Variants in R3HDML observed in about 807,000 individuals in gnomAD.
R3HDML encodes the protein R3H domain containing like.
In R3HDML, 21 loss-of-function variants were observed where a neutral mutation model predicts 24.2. The observed-to-expected ratio is 0.87, with a 90% CI of 0.62 to 1.25. The LOEUF (loss-of-function observed/expected upper bound fraction) is 1.25. Ranked by LOEUF, R3HDML falls within the 50% of genes most tolerant of loss-of-function variation. The pLI is 0.00. For missense variants in R3HDML, 301 were observed against 340.3 expected, an observed-to-expected ratio of 0.88 and a Z score of 0.91; for synonymous variants, 133 against 131.5, an observed-to-expected ratio of 1.01 and a Z score of -0.08.
intron 2 of R3HDML, 135 bp from the exon 3 acceptor site, chr20:44,343,242 C>T (rs1164383814): frequency 9.2e-7 from 1 of 1,081,308 alleles, no homozygotes; most frequent in African/African-American, 1.6e-5. Flanking sequence ...AGGGCCACTG[C>T]CCTCATGCTC....
rs114581806 is a variant in R3HDML at position 44,350,099 on chromosome 20, A to C, written c.630-561A>C. 7.1e-3 allele frequency among the ~76,000 whole-genome samples: 1,074 copies of C among 152,116 alleles called. 19 individuals are homozygous for C. The highest frequency in any genetic ancestry group is 0.025 in the African/African-American group (1,031 of 41,496). ...CAAAACAAACAAAAAGAATAAGAAA[A>C]TCAACCCTTACAAGGGAGCCACTAA... On this transcript the variant is annotated intron_variant, in intron 4 of 4. Coordinates refer to ENST00000217043, the MANE Select transcript of R3HDML (RefSeq NM_178491.4).
At position 44,350,618 on chromosome 20, in the gene R3HDML, A is replaced by G. The variant is rs368131810; in HGVS notation, c.630-42A>G. 123 of 1,594,374 alleles carry G rather than the reference A, an allele frequency of 7.7e-5. 2 individuals carry two copies. In the Middle Eastern group the frequency reaches 9.0e-4, roughly 12 times the overall value. On this transcript the variant is annotated intron_variant, in intron 4 of 4. Transcript: ENST00000217043. ...CTGGACATCTGTGTGAAGGTTACTC[A>G]CCTAATGCTCCTCTGTCTCCCTGGG...
intron 4 of R3HDML, 94 bp from the exon 5 acceptor site, chr20:44,350,566 A>C (rs2062807276): frequency 3.9e-6 from 5 of 1,267,014 alleles, no homozygotes. Flanking sequence ...CCAGGTCCCC[A>C]GGGCTGGTCA....
Position 44,337,203 on chromosome 20 carries a change from T to C in R3HDML, c.46T>C (p.Trp16Arg), listed in dbSNP as rs975822830. Residue 16 changes from tryptophan to arginine, a missense_variant, in exon 1 of 5, where the codon TGG becomes CGG. By Grantham distance (101) the Trp-to-Arg change is moderately radical. Transcript: ENST00000217043. The surrounding 1 kb of genome is among the most constrained non-coding windows in gnomAD (Gnocchi z 4.7). The part of the protein sequence containing the change: ...STVGLAGLLF[W>R]AGQAVNALIM... ...CGTGGGCCTGGCAGGCCTGCTCTTCTGGGCTGGCCAGGCAGTGAACGCCTT... is the reference window on the plus strand; with the variant it reads ...CGTGGGCCTGGCAGGCCTGCTCTTCCGGGCTGGCCAGGCAGTGAACGCCTT... The C allele has an allele frequency of 8.7e-6, 14 of 1,613,544 alleles. No homozygotes were observed. The highest frequency in any genetic ancestry group is 1.3e-5 in the African/African-American group (1 of 74,942).
At chr20:44,350,102 A>G (rs1600604757) in intron 4 of R3HDML, among the ~76,000 whole-genome samples, 2 of 152,188 alleles carry the variant, frequency 1.3e-5, no homozygotes, top group Non-Finnish European at 1.5e-5. Flanking sequence ...TAAGAAAATC[A>G]ACCCTTACAA....
chr20:44,340,663 G>A (rs2062769882), intron 1 of R3HDML, among the ~76,000 whole-genome samples: 1 of 152,034 alleles, frequency 6.6e-6, no homozygotes, highest in African/African-American at 2.4e-5. Flanking sequence ...GCATGCGCCT[G>A]CAGTCCCAGC....
chr20:44,343,440 G>A lies in R3HDML; in HGVS notation c.444G>A (p.Pro148=), dbSNP rs144256166. The A allele has an allele frequency of 1.3e-5, 21 of 1,613,032 alleles. No homozygotes were observed. Among genetic ancestry groups the A allele is most frequent in the African/African-American group, 6.7e-5 (5 of 74,872 alleles). The change falls in exon 3 of 5, where the codon CCG becomes CCA. Residue 148 remains proline, a synonymous_variant. Transcript: ENST00000217043. ...WSEEKWHYLF[P]APRDCNPHCP... The stretch of plus-strand genomic sequence containing the variant: ...AGGAGAAGTGGCATTACTTGTTTCC[G>A]GCCCCAAGGGACTGTAACCCACACT...
chr20:44,350,910 GT>G lies in R3HDML; in HGVS notation c.*120del. On this transcript the variant is annotated 3_prime_UTR_variant, in exon 5 of 5. Coordinates refer to ENST00000217043, the MANE Select transcript of R3HDML (RefSeq NM_178491.4). ...AGGATATGAGTTAGAATCACCCCCT[GT>G]TGAATTTTCCCTCCTAGATCCCCTT... The G allele has an allele frequency of 8.0e-7, 1 of 1,251,746 alleles. No homozygotes were observed. The highest frequency in any genetic ancestry group is 1.1e-6 in the Non-Finnish European group (1 of 895,816). The allele number at this position is 1,251,746 out of a possible 1,614,324, so 77.5% of individuals were successfully genotyped here.
rs778446570 is a variant in R3HDML at position 44,337,448 on chromosome 20, C to T, written c.261+30C>T. The T allele has an allele frequency of 2.1e-5, 34 of 1,595,942 alleles. No individual in the cohort carries two copies. Among genetic ancestry groups the T allele is most frequent in the South Asian group, 3.4e-5 (3 of 89,546 alleles). On this transcript the variant is annotated intron_variant, in intron 1 of 4. Transcript: ENST00000217043. This position sits in a 1 kb window ranked among gnomAD's most constrained non-coding sequence, Gnocchi z 4.7. Reference sequence around the variant, plus strand: ...GTCCCCGTACCTGCCCCCCACCCCCCGCAGTGTCCCTTCCGGCAAACGCAG... The same window carrying T: ...GTCCCCGTACCTGCCCCCCACCCCCTGCAGTGTCCCTTCCGGCAAACGCAG...
rs945944933 is a variant in R3HDML at position 44,337,260 on chromosome 20, C to A, written c.103C>A (p.Gln35Lys). ...GCCTAATGCTACCCCAGCCCCGGCC[C>A]AGCCCGAGAGCACGGCTATGCGGCT... ...IMPNATPAPAQPESTAMRLLS... is the reference protein window; with the variant it reads ...IMPNATPAPAKPESTAMRLLS... Residue 35 changes from glutamine (Q) to lysine (K), a missense_variant, in exon 1 of 5, where the codon CAG becomes AAG. Gln to Lys is a moderately conservative substitution (Grantham distance 53). Coordinates refer to ENST00000217043, the MANE Select transcript of R3HDML (RefSeq NM_178491.4). This position sits in a 1 kb window ranked among gnomAD's most constrained non-coding sequence, Gnocchi z 4.7. 1.2e-6 allele frequency: 2 copies of A among 1,614,040 alleles called. No homozygotes were observed. The highest frequency in any genetic ancestry group is 2.7e-5 in the African/African-American group (2 of 74,936).
At chr20:44,342,437 ATTTCAC>A (rs1435503013) in intron 2 of R3HDML, among the ~76,000 whole-genome samples, 1 of 151,866 alleles carries the variant, frequency 6.6e-6, no homozygotes, top group Non-Finnish European at 1.5e-5. Context: ...TCCTGCCTCC[ATTTCAC>A]TTTCCCTCTC....
chr20:44,339,597 G>GTGTGTGTC (rs1555804236), intron 1 of R3HDML, among the ~76,000 whole-genome samples: 27 of 151,562 alleles, frequency 1.8e-4, no homozygotes, highest in African/African-American at 6.3e-4. Context: ...GTGTGTGTGT[G>GTGTGTGTC]TGTGTGTGTC....
chr20:44,350,323 GAGCAGT>G (rs2062805778), intron 4 of R3HDML, among the ~76,000 whole-genome samples: 1 of 151,724 alleles, frequency 6.6e-6, no homozygotes, highest in Non-Finnish European at 1.5e-5. Context: ...AGACCAGCCT[GAGCAGT>G]ATAGGGAGAC....
Position 44,341,209 on chromosome 20 carries a change from G to A in R3HDML, c.275G>A (p.Arg92Gln), listed in dbSNP as rs747937091. The change falls in exon 2 of 5, where the codon CGG becomes CAG. Residue 92 changes from arginine to glutamine, a missense_variant. Transcript: ENST00000217043. ...TTCTTTCCCCAGGTCTGGGACAAGC[G>A]GCTGGCCAGGGCTGCCGAAGCCTGG... is the stretch of plus-strand genomic sequence containing the variant. Reference protein sequence around the residue: ...ANMEYMVWDKRLARAAEAWAT... With the variant: ...ANMEYMVWDKQLARAAEAWAT... 69 of 1,612,426 alleles carry A rather than the reference G, an allele frequency of 4.3e-5. No homozygotes were observed. The highest frequency in any genetic ancestry group is 6.7e-5 in the Admixed American group (4 of 59,704).
rs112391210 is a variant in R3HDML at position 44,348,398 on chromosome 20, G to GCCTTCC, written c.630-2249_630-2244dup. Among the ~76,000 whole-genome samples the GCCTTCC allele has an allele frequency of 5.3e-3, 812 of 151,994 alleles. 7 individuals carry two copies. Among genetic ancestry groups the GCCTTCC allele is most frequent in the African/African-American group, 0.018 (736 of 41,398 alleles). On this transcript the variant is annotated intron_variant, in intron 4 of 4. Coordinates refer to ENST00000217043, the MANE Select transcript of R3HDML (RefSeq NM_178491.4). The stretch of plus-strand genomic sequence containing the variant: ...CATCATTTTATCTTGACAGGCTTCG[G>GCCTTCC]CCTTCCCCTTCCCCTTCCTTTCTTT...
chr20:44,347,231 TGGG>T (rs35353509), intron 4 of R3HDML, among the ~76,000 whole-genome samples: 15,159 of 151,086 alleles, frequency 0.1, 940 homozygotes, highest in Middle Eastern at 0.17. Context: ...CTTTTTTTTT[TGGG>T]GGGGGACGAG....
Position 44,341,334 on chromosome 20 carries a change from TC to T in R3HDML, c.380+22del. The stretch of plus-strand genomic sequence containing the variant: ...TGGCCAGTGAGTGACCCTCTGCCCT[TC>T]CTTCACTCAGTCATTCAACAAATAC... On this transcript the variant is annotated intron_variant, in intron 2 of 4. Coordinates refer to ENST00000217043, the MANE Select transcript of R3HDML (RefSeq NM_178491.4). The T allele has an allele frequency of 2.6e-6, 4 of 1,560,206 alleles. No individual in the cohort carries two copies. Among genetic ancestry groups the T allele is most frequent in the Non-Finnish European group, 3.5e-6 (4 of 1,132,576 alleles).
rs2062810803 is a variant in R3HDML at position 44,351,126 on chromosome 20, C to T, written c.*334C>T. The T allele has an allele frequency of 2.5e-5, 5 of 198,160 alleles. No homozygotes were observed. In the South Asian group the frequency reaches 5.4e-4, roughly 22 times the overall value. The allele number at this position is 198,160 out of a possible 1,614,324, so 12.3% of individuals were successfully genotyped here. On this transcript the variant is annotated 3_prime_UTR_variant, in exon 5 of 5. Coordinates refer to ENST00000217043, the MANE Select transcript of R3HDML (RefSeq NM_178491.4). ...AGGCATAATGGCTCACACCTATAAT[C>T]CCAGTATTTTGGGAGGCTGAGGTGG...
In R3HDML at chr20:44,337,397, T is replaced by G. The variant is rs1324235144; in HGVS notation, c.240T>G (p.Pro80=). 1.2e-6 allele frequency: 2 copies of G among 1,613,548 alleles called. No individual in the cohort carries two copies. Among genetic ancestry groups the G allele is most frequent in the Non-Finnish European group, 1.7e-6 (2 of 1,179,504 alleles). The change falls in exon 1 of 5, where the codon CCT becomes CCG. Residue 80 remains proline, a synonymous_variant. Coordinates refer to ENST00000217043, the MANE Select transcript of R3HDML (RefSeq NM_178491.4). The surrounding 1 kb of genome is among the most constrained non-coding windows in gnomAD (Gnocchi z 4.7). ...HNHIRASVYP[P]AANMEYMVWD... ...ACATCCGGGCCAGTGTGTACCCACCTGCCGCCAACATGGAATACATGGTGA... is the reference window on the plus strand; with the variant it reads ...ACATCCGGGCCAGTGTGTACCCACCGGCCGCCAACATGGAATACATGGTGA...
Sources: gnomAD v4.1 joint callset for allele counts (sites outside exome capture counted in the v4.1 genomes callset) on GRCh38, gnomAD v4.1.1 for gene constraint, Gnocchi (gnomAD v3.1) non-coding constraint, MANE v1.5 for transcripts, NCBI Gene and HGNC (gene_info 2026-07-23, HGNC 2026-07-21) for gene names.